Variants in CCN4 observed in about 807,000 individuals in gnomAD.
CCN4 encodes CCN family member 4.
In CCN4, 30 loss-of-function variants were observed where a neutral mutation model predicts 36.7. That is an observed-to-expected ratio of 0.82 (90% CI 0.61 to 1.11). The LOEUF is 1.11. CCN4 is among the 50% of genes least tolerant of loss of function. CCN4 has a pLI of 0.00. For synonymous variants in CCN4, 191 were observed against 195.4 expected (o/e 0.98, Z 0.19); for missense variants, 505 against 504.9 (o/e 1.00, Z 0.00).
At position 133,227,815 on chromosome 8, in the gene CCN4, G is replaced by T; in HGVS notation, c.*105G>T. 1 of 1,283,196 alleles carries T rather than the reference G, an allele frequency of 7.8e-7. No individual in the cohort carries two copies. Among genetic ancestry groups the T allele is most frequent in the Non-Finnish European group, 1.1e-6 (1 of 938,764 alleles). The allele number at this position is 1,283,196 out of a possible 1,614,324, so 79.5% of individuals were successfully genotyped here. A position where few individuals can be genotyped will look rare whatever the true frequency, so the allele number is the denominator to read the frequency against. On this transcript the variant is annotated 3_prime_UTR_variant, in exon 5 of 5. Coordinates refer to ENST00000250160, the MANE Select transcript of CCN4 (RefSeq NM_003882.4). ...AATGAGCCTTAGTTACCCTGATCTG[G>T]ACCCTTGGCCTCCATTTCTGTCTCT... is the stretch of plus-strand genomic sequence containing the variant.
At chr8:133,199,898 G>C (rs577903698) in intron 1 of CCN4, among the ~76,000 whole-genome samples, 3 of 152,162 alleles carry the variant, frequency 2.0e-5, no homozygotes, top group Non-Finnish European at 4.4e-5. Flanking sequence ...GTTCACGAGA[G>C]CCCTATGTGG....
intron 1 of CCN4, among the ~76,000 whole-genome samples, chr8:133,196,693 G>A (rs1297089141): frequency 6.6e-6 from 1 of 152,138 alleles, no homozygotes; most frequent in Non-Finnish European, 1.5e-5. Flanking sequence ...CTGTATAAAG[G>A]AATATATTAA....
intron 2 of CCN4, among the ~76,000 whole-genome samples, chr8:133,217,979 C>T (rs984331662): frequency 2.6e-5 from 4 of 151,568 alleles, no homozygotes; most frequent in South Asian, 2.1e-4. Flanking sequence ...GGAGAGACAG[C>T]GTGCAGGCAG....
At chr8:133,194,441 T>C (rs1588177054) in intron 1 of CCN4, among the ~76,000 whole-genome samples, 2 of 57,794 alleles carry the variant, frequency 3.5e-5, no homozygotes, top group African/African-American at 1.1e-4. Context: ...TATGTGTGTG[T>C]GGTGTGTGTG....
intron 1 of CCN4, among the ~76,000 whole-genome samples, chr8:133,212,068 G>T (rs1319329741): frequency 2.0e-5 from 3 of 152,146 alleles, no homozygotes; most frequent in Admixed American, 6.5e-5. Flanking sequence ...CATCATATTT[G>T]CCAAAATAAA....
chr8:133,204,202 T>A (rs1234443442), intron 1 of CCN4, among the ~76,000 whole-genome samples: 2 of 152,226 alleles, frequency 1.3e-5, no homozygotes, highest in East Asian at 1.9e-4. Flanking sequence ...CATTTTTCAG[T>A]CATTTTAAAA....
chr8:133,212,155 G>A (rs1000043982), intron 1 of CCN4, among the ~76,000 whole-genome samples: 18 of 152,112 alleles, frequency 1.2e-4, no homozygotes, highest in African/African-American at 4.3e-4. Flanking sequence ...GTGTGTATGT[G>A]TTGGGTGGGG....
At chr8:133,215,689 A>G (rs1400871850) in intron 2 of CCN4, among the ~76,000 whole-genome samples, 1 of 151,946 alleles carries the variant, frequency 6.6e-6, no homozygotes, top group Non-Finnish European at 1.5e-5. Context: ...TTAACTTCCC[A>G]ACACCATGGG....
chr8:133,225,419 AG>A lies in CCN4; in HGVS notation c.642del (p.Asn215ThrfsTer3), dbSNP rs1854691795. ...TGTGGGTGAGGTGGAGGCATGGCAC[AG>A]GAACTGCATAGCCTACACAAGCCCC... is the stretch of plus-strand genomic sequence containing the variant. Reference protein sequence around the residue: ...DAVGEVEAWHRNCIAYTSPWS... With the variant: ...DAVGEVEAWHXNCIAYTSPWS... On this transcript the variant is annotated frameshift_variant, in exon 4 of 5. Coordinates refer to ENST00000250160, the MANE Select transcript of CCN4 (RefSeq NM_003882.4). LOFTEE classifies it high-confidence loss of function. 6.2e-7 allele frequency: 1 copy of A among 1,610,608 alleles called. No individual in the cohort carries two copies. Among genetic ancestry groups the A allele is most frequent in the African/African-American group, 1.3e-5 (1 of 74,970 alleles).
chr8:133,214,147 AT>A (rs1240116508), intron 2 of CCN4, among the ~76,000 whole-genome samples: 1 of 137,012 alleles, frequency 7.3e-6, no homozygotes, highest in Non-Finnish European at 1.5e-5. Flanking sequence ...CAGTAGTTAT[AT>A]ATAACTACTA....
chr8:133,227,870 C>A lies in CCN4; in HGVS notation c.*160C>A. The A allele has an allele frequency of 1.3e-6, 1 of 770,638 alleles. No individual in the cohort carries two copies. Among genetic ancestry groups the A allele is most frequent in the Non-Finnish European group, 2.0e-6 (1 of 493,058 alleles). The allele number at this position is 770,638 out of a possible 1,614,324, so 47.7% of individuals were successfully genotyped here. On this transcript the variant is annotated 3_prime_UTR_variant, in exon 5 of 5. Coordinates refer to ENST00000250160, the MANE Select transcript of CCN4 (RefSeq NM_003882.4). ...ATTCAAATGACGCCTGATGGTGCTG[C>A]TCAGGCCCATGCTATGAGTTTTCTC...
At chr8:133,194,377 G>T (rs1588176948) in intron 1 of CCN4, among the ~76,000 whole-genome samples, 2 of 121,130 alleles carry the variant, frequency 1.7e-5, no homozygotes, top group Non-Finnish European at 3.6e-5. Flanking sequence ...TGTGTGTGTG[G>T]GGTGTGTGTG....
chr8:133,193,991 C>T (rs1349081422), intron 1 of CCN4, among the ~76,000 whole-genome samples: 4 of 152,200 alleles, frequency 2.6e-5, no homozygotes, highest in African/African-American at 4.8e-5. Flanking sequence ...TCACTTTCCT[C>T]GTTTGTTAAT....
At chr8:133,224,110 T>C (rs947762466) in intron 3 of CCN4, among the ~76,000 whole-genome samples, 5 of 152,062 alleles carry the variant, frequency 3.3e-5, no homozygotes, top group African/African-American at 1.2e-4. Flanking sequence ...GCCAACCCCA[T>C]GTGCAGGTGG....
intron 2 of CCN4, among the ~76,000 whole-genome samples, chr8:133,217,643 G>A (rs76470021): frequency 2.6e-3 from 393 of 152,212 alleles, no homozygotes; most frequent in African/African-American, 8.6e-3. Context: ...AGACTGGCGC[G>A]CCTTCTAGTT....
chr8:133,197,993 A>C (rs1262990301), intron 1 of CCN4, among the ~76,000 whole-genome samples: 2 of 152,196 alleles, frequency 1.3e-5, no homozygotes, highest in African/African-American at 4.8e-5. Context: ...CCTTGCCTAG[A>C]GAGCTAGAAG....
intron 2 of CCN4, among the ~76,000 whole-genome samples, chr8:133,219,713 A>G (rs1411770031): frequency 1.3e-5 from 2 of 152,234 alleles, no homozygotes; most frequent in Non-Finnish European, 2.9e-5. Context: ...AAAACCCAGC[A>G]TTCCTATGCA....
intron 4 of CCN4, among the ~76,000 whole-genome samples, chr8:133,226,953 C>G (rs1854758120): frequency 6.6e-6 from 1 of 152,118 alleles, no homozygotes; most frequent in Admixed American, 6.5e-5. Flanking sequence ...ACGTTGAATA[C>G]TAAAGGTATG....
At chr8:133,207,004 A>T (rs931755405) in intron 1 of CCN4, among the ~76,000 whole-genome samples, 1 of 152,148 alleles carries the variant, frequency 6.6e-6, no homozygotes, top group African/African-American at 2.4e-5. Flanking sequence ...CGGGGGGGAA[A>T]CTATGGCTTC....
Sources: gnomAD v4.1 joint callset for allele counts (sites outside exome capture counted in the v4.1 genomes callset) on GRCh38, gnomAD v4.1.1 for gene constraint, MANE v1.5 for transcripts, NCBI Gene and HGNC (gene_info 2026-07-23, HGNC 2026-07-21) for gene names.